TANC2: variants seen among roughly 807,000 people sequenced by gnomAD.
TANC2 encodes the protein tetratricopeptide repeat, ankyrin repeat and coiled-coil containing 2, also known as protein TANC2.
A neutral mutation model predicts 210.5 loss-of-function variants in TANC2; 26 were observed. The ratio of observed to expected loss-of-function variants is 0.12; its 90% CI spans 0.09 to 0.17. The LOEUF (loss-of-function observed/expected upper bound fraction) is 0.17. Ranked by LOEUF, TANC2 falls within the 10% of genes least tolerant of loss-of-function variation. TANC2 has a pLI of 1.00. For missense variants in TANC2, 2,129 were observed against 2,608.9 expected, an observed-to-expected ratio of 0.82 and a Z score of 4.01; for synonymous variants, 931 against 967.1, an observed-to-expected ratio of 0.96 and a Z score of 0.69.
intron 1 of TANC2, among the ~76,000 whole-genome samples, 194 bp from the exon 2 acceptor site, chr17:63,009,343 G>A (rs2033764682): frequency 6.6e-6 from 1 of 151,944 alleles, no homozygotes; most frequent in South Asian, 2.1e-4. Flanking sequence ...TTTTGATACA[G>A]GCATGCAATG....
chr17:63,095,135 C>T (rs2037340274), intron 3 of TANC2, among the ~76,000 whole-genome samples: 1 of 151,942 alleles, frequency 6.6e-6, no homozygotes, highest in Non-Finnish European at 1.5e-5. Context: ...TCCATGAGTT[C>T]CTTGGGCCAG....
chr17:63,374,031 G>GT (rs2047349955), intron 14 of TANC2, among the ~76,000 whole-genome samples: 3 of 100,474 alleles, frequency 3.0e-5, no homozygotes, highest in Admixed American at 1.9e-4. Flanking sequence ...AGTTGTTGTT[G>GT]GTTTTTTTTT....
chr17:63,321,130 G>GGAGGTTGCAGCTAGCC (rs1469071018), intron 11 of TANC2, among the ~76,000 whole-genome samples: 1 of 152,002 alleles, frequency 6.6e-6, no homozygotes, highest in Non-Finnish European at 1.5e-5. Flanking sequence ...CCCAGGAGGT[G>GGAGGTTGCAGCTAGCC]GAGGTTGCAG....
At chr17:63,012,109 T>A (rs1177440846) in intron 2 of TANC2, among the ~76,000 whole-genome samples, 1 of 151,616 alleles carries the variant, frequency 6.6e-6, no homozygotes, top group Non-Finnish European at 1.5e-5. Flanking sequence ...CTCAACTTCC[T>A]TTGCTCAAGC....
intron 2 of TANC2, among the ~76,000 whole-genome samples, chr17:63,042,603 T>TA (rs1039832029): frequency 6.6e-6 from 1 of 152,130 alleles, no homozygotes; most frequent in Non-Finnish European, 1.5e-5. Context: ...AACATTGTAT[T>TA]AAAAAATACT....
At chr17:63,328,155 A>G (rs2045711692) in intron 11 of TANC2, among the ~76,000 whole-genome samples, 1 of 152,200 alleles carries the variant, frequency 6.6e-6, no homozygotes, top group African/African-American at 2.4e-5. Context: ...ACATGGACAC[A>G]AGAAAGAGAA....
At chr17:63,083,122 A>T (rs1194573259) in intron 3 of TANC2, among the ~76,000 whole-genome samples, 1 of 152,156 alleles carries the variant, frequency 6.6e-6, no homozygotes, top group Non-Finnish European at 1.5e-5. Context: ...TGCCACAGGG[A>T]GGGCTTCACT....
chr17:63,384,504 A>G (rs1325654837), intron 15 of TANC2, among the ~76,000 whole-genome samples: 1 of 152,080 alleles, frequency 6.6e-6, no homozygotes, highest in African/African-American at 2.4e-5. Flanking sequence ...GAGTCACCAA[A>G]ATATAGGTGA....
Position 63,196,335 on chromosome 17 carries a change from A to T in TANC2, c.582+2196A>T, listed in dbSNP as rs187451877. 2.0e-3 allele frequency among the ~76,000 whole-genome samples: 312 copies of T among 152,282 alleles called. 1 individual carries two copies. The highest frequency in any genetic ancestry group is 7.0e-3 in the African/African-American group (293 of 41,562). On this transcript the variant is annotated intron_variant, in intron 6 of 27. Transcript: ENST00000689528. ...TTGGGAGCAATAAAACATCTATTTC[A>T]CCTTTCATTTCTTGATATTCATGTC...
intron 5 of TANC2, among the ~76,000 whole-genome samples, chr17:63,187,609 G>T (rs984052227): frequency 4.6e-5 from 7 of 151,922 alleles, no homozygotes; most frequent in African/African-American, 1.5e-4. Flanking sequence ...ATACACATAT[G>T]TGTTTTTTGA....
chr17:63,395,594 C>CCTCT, intron 17 of TANC2, 149 bp from the exon 18 acceptor site: 1 of 649,506 alleles, frequency 1.5e-6, no homozygotes, highest in South Asian at 2.0e-5. Context: ...CTAGGCTGAG[C>CCTCT]AGAGTCTCCT....
chr17:63,151,480 G>A, intron 5 of TANC2, 100 bp downstream of exon 5: 1 of 469,830 alleles, frequency 2.1e-6, no homozygotes. Context: ...ATAAAAACAT[G>A]TTACCTCTTT....
chr17:62,988,294 A>AC (rs1187891954), intron 1 of TANC2, among the ~76,000 whole-genome samples: 37 of 101,284 alleles, frequency 3.7e-4, no homozygotes, highest in African/African-American at 1.8e-3. Context: ...CACCTGGCTA[A>AC]CTTTTTTTTT....
intron 7 of TANC2, among the ~76,000 whole-genome samples, chr17:63,209,568 G>A (rs28421879): frequency 1.7e-3 from 260 of 152,168 alleles, no homozygotes; most frequent in African/African-American, 5.7e-3. Flanking sequence ...CGAGTGGCTG[G>A]GATTACAGGC....
intron 7 of TANC2, among the ~76,000 whole-genome samples, chr17:63,205,058 C>G: frequency 6.6e-6 from 1 of 151,936 alleles, no homozygotes; most frequent in Non-Finnish European, 1.5e-5. Context: ...GCACTCTAGC[C>G]TGGGCAACTG....
intron 5 of TANC2, among the ~76,000 whole-genome samples, chr17:63,168,285 T>C (rs1006119121): frequency 6.6e-6 from 1 of 152,170 alleles, no homozygotes; most frequent in Non-Finnish European, 1.5e-5. Context: ...AAACACATAC[T>C]TTTCAAGAGA....
chr17:63,288,007 G>A (rs1044391753), intron 9 of TANC2, among the ~76,000 whole-genome samples: 4 of 152,098 alleles, frequency 2.6e-5, no homozygotes, highest in Non-Finnish European at 5.9e-5. Flanking sequence ...CATTCTGGCT[G>A]GTAGGAACAG....
chr17:63,226,094 T>C (rs764656602), intron 7 of TANC2, among the ~76,000 whole-genome samples: 8 of 152,222 alleles, frequency 5.3e-5, no homozygotes, highest in Admixed American at 1.3e-4. Flanking sequence ...AATTACTGTG[T>C]CACAAATCTA....
chr17:63,071,917 C>G (rs948113632), intron 2 of TANC2, among the ~76,000 whole-genome samples: 2 of 151,956 alleles, frequency 1.3e-5, no homozygotes, highest in Non-Finnish European at 2.9e-5. Context: ...GTCAAACATC[C>G]TTGGGTTAAA....
Sources: allele counts gnomAD v4.1 joint callset (sites outside exome capture counted in the v4.1 genomes callset), GRCh38; gene constraint gnomAD v4.1.1; transcripts MANE v1.5; gene names NCBI Gene and HGNC (gene_info 2026-07-23, HGNC 2026-07-21).